The following XK variants were observed in gnomAD, a reference collection of about 807,000 sequenced individuals.
XK encodes the protein X-linked Kx blood group antigen, Kell and VPS13A binding protein.
In XK, 2 loss-of-function variants were observed where a neutral mutation model predicts 14.0. The ratio of observed to expected loss-of-function variants is 0.14; its 90% CI spans 0.06 to 0.45. The LOEUF is 0.45. Among genes scored for constraint, XK ranks in the 20% least tolerant of loss-of-function variants. The pLI, the probability that XK is intolerant of heterozygous loss-of-function variation, is 0.98. For synonymous variants in XK, 149 were observed against 147.5 expected (o/e 1.01, Z -0.08); for missense variants, 235 against 341.5 (o/e 0.69, Z 2.46).
intron 2 of XK, among the ~76,000 whole-genome samples, chrX:37,723,869 C>T (rs1927924740): frequency 9.0e-6 from 1 of 111,383 alleles, no homozygotes; most frequent in South Asian, 3.7e-4. Flanking sequence ...TGTAACCACA[C>T]ATACATGTAT....
chrX:37,709,782 G>C (rs1927623669), intron 2 of XK, among the ~76,000 whole-genome samples: 1 of 111,969 alleles, frequency 8.9e-6, no homozygotes, highest in East Asian at 2.8e-4. Context: ...ATTTGGGAGA[G>C]TTTATAATCT....
At chrX:37,708,017 A>T (rs1556445782) in intron 2 of XK, among the ~76,000 whole-genome samples, 1 of 112,566 alleles carries the variant, frequency 8.9e-6, no homozygotes, top group Non-Finnish European at 1.9e-5. Context: ...CAGCCCGGCC[A>T]ACACAGCGAA....
At chrX:37,691,447 T>C (rs781873053) in intron 1 of XK, among the ~76,000 whole-genome samples, 1 of 112,567 alleles carries the variant, frequency 8.9e-6, no homozygotes, top group East Asian at 2.8e-4. Context: ...GTTTTTGTTG[T>C]ATATCTTTAC....
chrX:37,688,049 TTC>T (rs1927121428), intron 1 of XK, among the ~76,000 whole-genome samples: 1 of 79,806 alleles, frequency 1.3e-5, no homozygotes, highest in African/African-American at 6.0e-5. Context: ...CTTTCTTTCT[TTC>T]TTTCTTTCTT....
intron 2 of XK, among the ~76,000 whole-genome samples, chrX:37,701,755 G>A (rs781867205): frequency 7.6e-4 from 85 of 111,903 alleles, no homozygotes; most frequent in African/African-American, 2.7e-3. Flanking sequence ...GCTTCCCCAG[G>A]GTACATCTGG....
rs1417640833 is a variant in XK at position 37,729,302 on chromosome X, C to T, written c.*840C>T. On this transcript the variant is annotated 3_prime_UTR_variant, in exon 3 of 3. Coordinates refer to ENST00000378616, the MANE Select transcript of XK (RefSeq NM_021083.4). ...TGTCAGGACCATTTTAGAAGAGTTA[C>T]CTTGGTTAACTTAAGGGTTTTTTAG... 1.8e-5 allele frequency: 2 copies of T among 111,483 alleles called. No homozygotes were observed. Among genetic ancestry groups the T allele is most frequent in the South Asian group, 3.8e-4 (1 of 2,659 alleles). 9.2% of individuals were successfully genotyped at this position (111,483 alleles called of 1,213,427 possible). A position where few individuals can be genotyped will look rare whatever the true frequency, so the allele number is the denominator to read the frequency against.
chrX:37,701,492 G>T (rs1477667763), intron 2 of XK, among the ~76,000 whole-genome samples: 1 of 112,405 alleles, frequency 8.9e-6, no homozygotes, highest in Admixed American at 9.4e-5. Context: ...CTGCCTGTTG[G>T]CCAGATGCTG....
chrX:37,687,476 C>T (rs1460740569), intron 1 of XK, among the ~76,000 whole-genome samples: 1 of 108,207 alleles, frequency 9.2e-6, no homozygotes, highest in Non-Finnish European at 1.9e-5. Flanking sequence ...TTTGTAGAGA[C>T]AGAGTCTCCC....
chrX:37,707,825 A>C, intron 2 of XK, among the ~76,000 whole-genome samples: 1 of 112,491 alleles, frequency 8.9e-6, no homozygotes, highest in East Asian at 2.8e-4. Flanking sequence ...AGAGGCTGCA[A>C]TCTCGGCACT....
At position 37,728,164 on chromosome X, in the gene XK, T is replaced by G; in HGVS notation, c.1037T>G (p.Val346Gly). ...YLFKTDIYMY[V>G]CAPLLVLQLL... is the part of the protein sequence containing the mutation. ...TTCAAGACTGACATCTATATGTATG[T>G]GTGCGCACCTCTGTTGGTCCTGCAG... is the stretch of plus-strand genomic sequence containing the variant. Residue 346 changes from valine to glycine, a missense_variant, in exon 3 of 3, where the codon GTG becomes GGG. Transcript: ENST00000378616. 2 of 1,211,666 alleles carry G rather than the reference T, an allele frequency of 1.7e-6. No homozygotes were observed. The highest frequency in any genetic ancestry group is 2.2e-6 in the Non-Finnish European group (2 of 895,469).
chrX:37,686,639 A>G (rs943732126), intron 1 of XK, among the ~76,000 whole-genome samples: 2 of 111,729 alleles, frequency 1.8e-5, no homozygotes, highest in Non-Finnish European at 3.8e-5. Context: ...TTTATCAAAC[A>G]CATGGAGCTT....
chrX:37,720,825 G>A (rs181454979), intron 2 of XK, among the ~76,000 whole-genome samples: 6 of 111,054 alleles, frequency 5.4e-5, no homozygotes, highest in African/African-American at 1.6e-4. Context: ...CTCTGGTTCC[G>A]TCCATGTTAC....
At chrX:37,706,802 C>T (rs1318435946) in intron 2 of XK, among the ~76,000 whole-genome samples, 1 of 108,927 alleles carries the variant, frequency 9.2e-6, no homozygotes, top group African/African-American at 3.3e-5. Context: ...GTTTGTGTCC[C>T]TGGGTACTTG....
intron 1 of XK, among the ~76,000 whole-genome samples, chrX:37,688,352 C>A (rs1927139322): frequency 9.0e-6 from 1 of 111,325 alleles, no homozygotes; most frequent in Non-Finnish European, 1.9e-5. Flanking sequence ...AAGCGTGAGC[C>A]ACCGTGCCCG....
chrX:37,686,003 C>T lies in XK; in HGVS notation c.42C>T (p.Phe14=), dbSNP rs782812439. The T allele has an allele frequency of 2.5e-6, 3 of 1,208,224 alleles. No individual in the cohort carries two copies. The highest frequency in any genetic ancestry group is 4.4e-5 in the Admixed American group (2 of 45,966). Residue 14 remains phenylalanine (F), a synonymous_variant, in exon 1 of 3, where the codon TTC becomes TTT. Transcript: ENST00000378616. ...CGGTGCTGGCGTCCGTGTTCCTGTT[C>T]GTGGCCGAGACAACGGCGGCGCTCA... ...PASVLASVFL[F]VAETTAALSL...
In XK at chrX:37,730,560, G is replaced by T. The variant is rs954901310; in HGVS notation, c.*2098G>T. The T allele has an allele frequency of 9.8e-5, 11 of 112,503 alleles. No individual in the cohort carries two copies. Among genetic ancestry groups the T allele is most frequent in the African/African-American group, 3.6e-4 (11 of 30,978 alleles). 9.3% of individuals were successfully genotyped at this position (112,503 alleles called of 1,213,427 possible). On this transcript the variant is annotated 3_prime_UTR_variant, in exon 3 of 3. Coordinates refer to ENST00000378616, the MANE Select transcript of XK (RefSeq NM_021083.4). Reference sequence around the variant, plus strand: ...CCAAATATTTTCAAGCTTTTTGTGAGAAAGAGATTCTTGCCTTGAGGCTCT... The same window carrying T: ...CCAAATATTTTCAAGCTTTTTGTGATAAAGAGATTCTTGCCTTGAGGCTCT...
rs372006559 is a variant in XK, at chrX:37,730,590, T to G, written c.*2128T>G. On this transcript the variant is annotated 3_prime_UTR_variant, in exon 3 of 3. Coordinates refer to ENST00000378616, the MANE Select transcript of XK (RefSeq NM_021083.4). ...AGATTCTTGCCTTGAGGCTCTGCAG[T>G]GGCAAATGGTAGGGGCAATAGCGCT... is the stretch of plus-strand genomic sequence containing the variant. 14 of 112,410 alleles carry G rather than the reference T, an allele frequency of 1.2e-4. No homozygotes were observed. The East Asian group carries it at 2.8e-3, about 23-fold the overall frequency. 9.3% of individuals were successfully genotyped at this position (112,410 alleles called of 1,213,427 possible). A position where few individuals can be genotyped will look rare whatever the true frequency, so the allele number is the denominator to read the frequency against.
At chrX:37,715,192 CAT>C (rs1417578372) in intron 2 of XK, among the ~76,000 whole-genome samples, 2 of 109,427 alleles carry the variant, frequency 1.8e-5, no homozygotes, top group South Asian at 3.8e-4. Context: ...CTTTACATGA[CAT>C]ATTTGCTTTA....
intron 2 of XK, among the ~76,000 whole-genome samples, chrX:37,706,612 T>TA (rs1556445206): frequency 6.8e-4 from 75 of 110,001 alleles, no homozygotes; most frequent in Middle Eastern, 4.6e-3. Flanking sequence ...TCTTTTTTTT[T>TA]AAAATTAATT....
Sources: allele counts gnomAD v4.1 joint callset (sites outside exome capture counted in the v4.1 genomes callset), GRCh38; gene constraint gnomAD v4.1.1; transcripts MANE v1.5; gene names NCBI Gene and HGNC (gene_info 2026-07-23, HGNC 2026-07-21).